Variants in PSTPIP1 observed in about 807,000 individuals in gnomAD.
PSTPIP1 encodes the protein proline-serine-threonine phosphatase interacting protein 1, also known as proline-serine-threonine phosphatase-interacting protein 1.
A neutral mutation model predicts 69.6 loss-of-function variants in PSTPIP1; 66 were observed. That is an observed-to-expected ratio of 0.95 (90% CI 0.78 to 1.16). The LOEUF (loss-of-function observed/expected upper bound fraction) is 1.16, where lower values mean the gene tolerates loss of function less well. Ranked by LOEUF, PSTPIP1 falls within the 50% of genes most tolerant of loss-of-function variation. The pLI, the probability that PSTPIP1 is intolerant of heterozygous loss-of-function variation, is 0.00. For synonymous variants in PSTPIP1, 266 were observed against 222.7 expected, an observed-to-expected ratio of 1.19 and a Z score of -1.73; for missense variants, 603 against 557.4, an observed-to-expected ratio of 1.08 and a Z score of -0.82.
rs1043248621 is a variant in PSTPIP1 at position 77,018,608 on chromosome 15, T to G, written c.212+77T>G. 2.1e-6 allele frequency: 3 copies of G among 1,401,026 alleles called. No homozygotes were observed. The African/African-American group carries it at 4.4e-5, about 20-fold the overall frequency. The allele number at this position is 1,401,026 out of a possible 1,614,324, so 86.8% of individuals were successfully genotyped here. On this transcript the variant is annotated intron_variant, in intron 3 of 14. Coordinates refer to ENST00000558012, the MANE Select transcript of PSTPIP1 (RefSeq NM_003978.5). ...TGGGCCTTTAGATGAGGTTTAGGTC[T>G]TCCTGGCATGGGGGAGGCTGGGCAG...
chr15:77,032,588 A>G, intron 11 of PSTPIP1, 194 bp downstream of exon 11: 1 of 644,334 alleles, frequency 1.6e-6, no homozygotes, highest in Non-Finnish European at 2.7e-6. Flanking sequence ...TAAGGGCATG[A>G]TGGCACTCAG....
At chr15:77,016,523 G>T (rs1289191826) in intron 1 of PSTPIP1, among the ~76,000 whole-genome samples, 1 of 152,196 alleles carries the variant, frequency 6.6e-6, no homozygotes, top group Non-Finnish European at 1.5e-5. Context: ...TGGGGGGACA[G>T]CTTCTGGCCT....
At chr15:77,029,844 C>A (rs886910345) in intron 8 of PSTPIP1, among the ~76,000 whole-genome samples, 1 of 152,170 alleles carries the variant, frequency 6.6e-6, no homozygotes, top group African/African-American at 2.4e-5. Context: ...GAAACAGAGG[C>A]ACTAAAAGGT....
chr15:77,006,933 G>A (rs1275905762), intron 1 of PSTPIP1, among the ~76,000 whole-genome samples: 1 of 152,162 alleles, frequency 6.6e-6, no homozygotes, highest in East Asian at 1.9e-4. Context: ...TTGGGGGCCC[G>A]AGTAGAGCTG....
chr15:76,995,218 C>T lies in PSTPIP1; in HGVS notation c.-356C>T. 3 of 1,220,978 alleles carry T rather than the reference C, an allele frequency of 2.5e-6. No homozygotes were observed. Among genetic ancestry groups the T allele is most frequent in the Non-Finnish European group, 3.1e-6 (3 of 966,186 alleles). The allele number at this position is 1,220,978 out of a possible 1,614,324, so 75.6% of individuals were successfully genotyped here. The stretch of plus-strand genomic sequence containing the variant: ...TGCCTCTTCCACTGGCCACTGCCTC[C>T]CACCCAGGGCTGGCATCCCTGCTCC... On this transcript the variant is annotated 5_prime_UTR_variant, in exon 1 of 15. Transcript: ENST00000558012.
chr15:77,016,699 AG>A (rs545209789), intron 1 of PSTPIP1, among the ~76,000 whole-genome samples: 24 of 136,122 alleles, frequency 1.8e-4, no homozygotes, highest in African/African-American at 5.0e-4. Flanking sequence ...GTTTGTGGGG[AG>A]GGGGGGCACT....
At chr15:77,012,354 C>T (rs2075961232) in intron 1 of PSTPIP1, among the ~76,000 whole-genome samples, 1 of 151,036 alleles carries the variant, frequency 6.6e-6, no homozygotes, top group South Asian at 2.1e-4. Flanking sequence ...TCCACCAGTC[C>T]ACCCATCCAC....
chr15:77,034,204 G>A (rs1330331347), intron 12 of PSTPIP1, among the ~76,000 whole-genome samples: 1 of 151,978 alleles, frequency 6.6e-6, no homozygotes, highest in Non-Finnish European at 1.5e-5. Context: ...AGAGGTGTGG[G>A]GGCACGCAGC....
intron 1 of PSTPIP1, among the ~76,000 whole-genome samples, chr15:77,009,261 C>G (rs1203848349): frequency 6.6e-6 from 1 of 152,128 alleles, no homozygotes; most frequent in Non-Finnish European, 1.5e-5. Context: ...AGCCAAAGGG[C>G]CTCCAGAGGC....
chr15:77,031,836 G>C (rs1420504424), intron 10 of PSTPIP1: 1 of 179,922 alleles, frequency 5.6e-6, no homozygotes, highest in Non-Finnish European at 1.2e-5. Flanking sequence ...CTTGCCTGCT[G>C]TGTTTCCTGC....
chr15:77,029,694 GCT>G (rs1266375895), intron 8 of PSTPIP1, 120 bp downstream of exon 8: 10 of 1,151,576 alleles, frequency 8.7e-6, no homozygotes, highest in African/African-American at 7.8e-5. Flanking sequence ...TGGGCGCGGC[GCT>G]CTCATTCCAG....
chr15:77,028,523 G>A, intron 6 of PSTPIP1, 31 bp from the exon 7 acceptor site: 2 of 1,547,440 alleles, frequency 1.3e-6, no homozygotes, highest in South Asian at 1.2e-5. Context: ...GGGCTGTGCA[G>A]CCCCCAAGTC....
chr15:77,010,589 A>G (rs2075914601), intron 1 of PSTPIP1, among the ~76,000 whole-genome samples: 1 of 152,036 alleles, frequency 6.6e-6, no homozygotes, highest in Non-Finnish European at 1.5e-5. Flanking sequence ...GCGTGTCTCC[A>G]TCTACCTCTG....
intron 3 of PSTPIP1, 30 bp downstream of exon 3, chr15:77,018,561 C>A (rs775147429): frequency 2.0e-6 from 3 of 1,530,902 alleles, no homozygotes; most frequent in Non-Finnish European, 1.8e-6. Context: ...GGGGCTCACT[C>A]CTCTCCTCTG....
chr15:77,016,936 T>G (rs1568497870), intron 1 of PSTPIP1, among the ~76,000 whole-genome samples: 1 of 152,062 alleles, frequency 6.6e-6, no homozygotes, highest in Non-Finnish European at 1.5e-5. Flanking sequence ...TGTGCGACCC[T>G]GGAGTGTGCG....
Position 77,035,541 on chromosome 15 carries a change from C to A in PSTPIP1, c.963C>A (p.Thr321=). 6.3e-7 allele frequency: 1 copy of A among 1,590,116 alleles called. No homozygotes were observed. The change falls in exon 13 of 15, where the codon ACC becomes ACA. Residue 321 remains threonine (T), a synonymous_variant. Transcript: ENST00000558012. ...GACTGCTGCACGGAAGTCCCAAGAC[C>A]ACTTCGTTGGCAGCTTCTGCTGGTA... The part of the protein sequence containing the change: ...FSGLLHGSPK[T]TSLAASAAST...
Position 77,035,960 on chromosome 15 carries a change from A to C in PSTPIP1, c.1119+25A>C, listed in dbSNP as rs1415744001. On this transcript the variant is annotated intron_variant, in intron 14 of 14. Coordinates refer to ENST00000558012, the MANE Select transcript of PSTPIP1 (RefSeq NM_003978.5). ...GGTGAGGCCTCTATACCCCAAACCC[A>C]CCTGTGCCACCTCCCCTGCACCTGA... 56 of 1,559,502 alleles carry C rather than the reference A, an allele frequency of 3.6e-5. No individual in the cohort carries two copies. In the Admixed American group the frequency reaches 1.1e-3, roughly 29 times the overall value.
chr15:77,032,184 C>T lies in PSTPIP1; in HGVS notation c.742-114C>T, dbSNP rs1036317336. ...ACCCCTCAGGATCAAAGACCCCGAG[C>T]CGCGCACAATGGCCTGTGAGGAGGC... On this transcript the variant is annotated intron_variant, in intron 10 of 14. Transcript: ENST00000558012. 1.3e-5 allele frequency: 13 copies of T among 1,020,356 alleles called. No homozygotes were observed. The Admixed American group carries it at 2.7e-4, about 21-fold the overall frequency. 63.2% of individuals were successfully genotyped at this position (1,020,356 alleles called of 1,614,324 possible). A position where few individuals can be genotyped will look rare whatever the true frequency, so the allele number is the denominator to read the frequency against.
chr15:77,025,398 TGTTGGG>T (rs1038370220), intron 4 of PSTPIP1, 80 bp downstream of exon 4: 5 of 1,578,222 alleles, frequency 3.2e-6, no homozygotes, highest in African/African-American at 1.4e-5. Context: ...GAAGATGAGG[TGTTGGG>T]GCTGGGGCTG....
Sources: allele counts gnomAD v4.1 joint callset (sites outside exome capture counted in the v4.1 genomes callset), GRCh38; gene constraint gnomAD v4.1.1; transcripts MANE v1.5; gene names NCBI Gene and HGNC (gene_info 2026-07-23, HGNC 2026-07-21).